FAR2: variants seen among roughly 807,000 people sequenced by gnomAD.
FAR2 encodes the protein epididymis secretory protein Li 81.
In FAR2, 19 loss-of-function variants were observed where a neutral mutation model predicts 56.0. That is an observed-to-expected ratio of 0.34 (90% CI 0.24 to 0.50). FAR2 has a LOEUF of 0.50. FAR2 is among the 20% of genes least tolerant of loss of function. The pLI is 0.98. For synonymous variants in FAR2, 219 were observed against 218.8 expected (o/e 1.00, Z -0.01); for missense variants, 508 against 642.2 (o/e 0.79, Z 2.26).
chr12:29,285,614 GTCTTTT>G (rs1351420115), intron 2 of FAR2, among the ~76,000 whole-genome samples: 2 of 152,072 alleles, frequency 1.3e-5, no homozygotes, highest in Non-Finnish European at 2.9e-5. Context: ...ATCACATTAA[GTCTTTT>G]TCTTAAAAGC....
At chr12:29,298,550 G>A (rs1949108972) in intron 4 of FAR2, among the ~76,000 whole-genome samples, 1 of 152,150 alleles carries the variant, frequency 6.6e-6, no homozygotes, top group Non-Finnish European at 1.5e-5. Context: ...TCATCTAAAG[G>A]ATCTGGAGGT....
At chr12:29,221,957 C>T (rs1404055564) in intron 1 of FAR2, among the ~76,000 whole-genome samples, 2 of 152,134 alleles carry the variant, frequency 1.3e-5, no homozygotes, top group East Asian at 3.9e-4. Context: ...AAGCAATTCT[C>T]CTGTCTCAGC....
chr12:29,253,851 A>G (rs1948273180), intron 1 of FAR2, among the ~76,000 whole-genome samples: 1 of 152,238 alleles, frequency 6.6e-6, no homozygotes, highest in South Asian at 2.1e-4. Flanking sequence ...TACGCTTAAC[A>G]TAGTGTGTAG....
chr12:29,214,365 C>T (rs1947593984), intron 1 of FAR2, among the ~76,000 whole-genome samples: 1 of 152,166 alleles, frequency 6.6e-6, no homozygotes, highest in African/African-American at 2.4e-5. Context: ...TGTTTGTTGC[C>T]TATCATGTGC....
chr12:29,288,723 A>G (rs1948912907), intron 2 of FAR2, among the ~76,000 whole-genome samples: 1 of 152,182 alleles, frequency 6.6e-6, no homozygotes, highest in Non-Finnish European at 1.5e-5. Flanking sequence ...CTCGTTTAGC[A>G]GTCGCTATCT....
At chr12:29,172,846 C>G (rs1355667579) in intron 1 of FAR2, among the ~76,000 whole-genome samples, 2 of 152,170 alleles carry the variant, frequency 1.3e-5, no homozygotes, top group Admixed American at 6.5e-5. Flanking sequence ...CTTAGTCCTT[C>G]TAGAACACAG....
chr12:29,318,673 A>T (rs1949497276), intron 9 of FAR2, among the ~76,000 whole-genome samples: 1 of 152,198 alleles, frequency 6.6e-6, no homozygotes, highest in African/African-American at 2.4e-5. Context: ...TTTGCTTTGC[A>T]GTAGGGGGGT....
chr12:29,232,354 C>T (rs1378609717), intron 1 of FAR2, among the ~76,000 whole-genome samples: 1 of 152,138 alleles, frequency 6.6e-6, no homozygotes, highest in Non-Finnish European at 1.5e-5. Context: ...CTTCTTTAGT[C>T]ATCTGTCCTT....
intron 1 of FAR2, among the ~76,000 whole-genome samples, chr12:29,240,809 T>TA (rs1948018648): frequency 6.6e-6 from 1 of 151,482 alleles, no homozygotes; most frequent in African/African-American, 2.4e-5. Flanking sequence ...ATATTTTTTT[T>TA]TATATATTTT....
chr12:29,183,573 C>T (rs903236658), intron 1 of FAR2, among the ~76,000 whole-genome samples: 1 of 152,166 alleles, frequency 6.6e-6, no homozygotes, highest in African/African-American at 2.4e-5. Context: ...ATTCATCTCA[C>T]CATCTGTTCT....
intron 10 of FAR2, among the ~76,000 whole-genome samples, chr12:29,330,246 G>A (rs765062884): frequency 6.6e-6 from 1 of 151,860 alleles, no homozygotes; most frequent in Non-Finnish European, 1.5e-5. Flanking sequence ...TAGTACAGAC[G>A]GGGTATCACG....
At chr12:29,188,934 TTATCA>T (rs1356790461) in intron 1 of FAR2, among the ~76,000 whole-genome samples, 1 of 152,186 alleles carries the variant, frequency 6.6e-6, no homozygotes, top group African/African-American at 2.4e-5. Flanking sequence ...TGTGTCCTTC[TTATCA>T]TATCATATCA....
intron 1 of FAR2, among the ~76,000 whole-genome samples, chr12:29,234,240 T>C (rs569992614): frequency 6.6e-6 from 1 of 152,298 alleles, no homozygotes; most frequent in East Asian, 1.9e-4. Flanking sequence ...TTATTAGATA[T>C]GCAAAAGCAA....
intron 9 of FAR2, among the ~76,000 whole-genome samples, chr12:29,320,870 TAATGGGA>T (rs1434528169): frequency 2.0e-5 from 3 of 152,152 alleles, no homozygotes; most frequent in Non-Finnish European, 2.9e-5. Context: ...TCATCTTGTG[TAATGGGA>T]CACAGGGTAG....
rs187684576 is a variant in FAR2 at position 29,166,925 on chromosome 12, A to T, written c.-39+17518A>T. Among the ~76,000 whole-genome samples the T allele has an allele frequency of 3.9e-3, 597 of 152,088 alleles. 1 individual carries two copies. Among genetic ancestry groups the T allele is most frequent in the African/African-American group, 0.014 (564 of 41,488 alleles). ...TACAGATAAACATATGCACTTTCTC[A>T]TAGTCAATGAGCTTCCTCTGGATCT... On this transcript the variant is annotated intron_variant, in intron 1 of 11. Transcript: ENST00000536681.
chr12:29,271,068 G>A (rs1359887240), intron 2 of FAR2, among the ~76,000 whole-genome samples: 3 of 152,158 alleles, frequency 2.0e-5, no homozygotes, highest in Non-Finnish European at 4.4e-5. Flanking sequence ...TAGCCATGCA[G>A]TGATACTTTC....
At chr12:29,173,496 T>G (rs1369162349) in intron 1 of FAR2, among the ~76,000 whole-genome samples, 1 of 152,144 alleles carries the variant, frequency 6.6e-6, no homozygotes, top group Non-Finnish European at 1.5e-5. Flanking sequence ...CCATTTACCT[T>G]CCCTCTTACA....
intron 1 of FAR2, among the ~76,000 whole-genome samples, chr12:29,177,098 G>C (rs150033958): frequency 6.6e-6 from 1 of 152,112 alleles, no homozygotes; most frequent in Non-Finnish European, 1.5e-5. Context: ...AAATGCATTC[G>C]ATTTAAATAA....
chr12:29,213,350 T>G (rs1947576465), intron 1 of FAR2, among the ~76,000 whole-genome samples: 1 of 152,082 alleles, frequency 6.6e-6, no homozygotes, highest in Non-Finnish European at 1.5e-5. Context: ...AGGGCACATA[T>G]GAGCACTGAA....
Sources: gnomAD v4.1 joint callset for allele counts (sites outside exome capture counted in the v4.1 genomes callset) on GRCh38, gnomAD v4.1.1 for gene constraint, MANE v1.5 for transcripts, NCBI Gene and HGNC (gene_info 2026-07-23, HGNC 2026-07-21) for gene names.